Variants in SPMIP7 observed in about 807,000 individuals in gnomAD.
The protein encoded by SPMIP7 is protein SPMIP7.
At chr7:50,109,463 C>T in the SPMIP7 span, among the ~76,000 whole-genome samples, 2 of 152,112 alleles carry the variant, frequency 1.3e-5, no homozygotes, top group Non-Finnish European at 2.9e-5. Context: ...GCAACCTCTA[C>T]CTCCTGGGTT....
the SPMIP7 span, among the ~76,000 whole-genome samples, chr7:50,133,697 G>T: frequency 6.6e-6 from 1 of 152,234 alleles, no homozygotes; most frequent in South Asian, 2.1e-4. Flanking sequence ...CATTCAGGTT[G>T]TTGACAGAAT....
chr7:50,140,139 G>A, the SPMIP7 span: 2 of 1,497,432 alleles, frequency 1.3e-6, no homozygotes, highest in East Asian at 5.1e-5. Flanking sequence ...CTTTTTTGAA[G>A]TGTGAGTTCA....
the SPMIP7 span, among the ~76,000 whole-genome samples, chr7:50,122,882 A>T: frequency 6.6e-6 from 1 of 152,164 alleles, no homozygotes; most frequent in Non-Finnish European, 1.5e-5. Flanking sequence ...ATTTCACACT[A>T]GTTAGAATGG....
the SPMIP7 span, among the ~76,000 whole-genome samples, chr7:50,148,048 A>G: frequency 3.9e-5 from 6 of 152,280 alleles, no homozygotes; most frequent in South Asian, 8.3e-4. Context: ...AATATCTCCT[A>G]TCAGCAGCAG....
the SPMIP7 span, among the ~76,000 whole-genome samples, chr7:50,147,148 G>A: frequency 6.6e-6 from 1 of 152,194 alleles, no homozygotes; most frequent in South Asian, 2.1e-4. Flanking sequence ...AAGCTGTTGG[G>A]AGCTAAGTCA....
chr7:50,136,063 C>T, the SPMIP7 span: 15 of 1,455,544 alleles, frequency 1.0e-5, no homozygotes, highest in Admixed American at 2.0e-4. Flanking sequence ...ATAACGTGCT[C>T]ATTAACTGTC....
At chr7:50,106,179 A>G in the SPMIP7 span, among the ~76,000 whole-genome samples, 1 of 152,216 alleles carries the variant, frequency 6.6e-6, no homozygotes, top group East Asian at 1.9e-4. Context: ...AGGTAGAGAG[A>G]AATTACTGGG....
At chr7:50,119,553 G>A in the SPMIP7 span, among the ~76,000 whole-genome samples, 12 of 152,246 alleles carry the variant, frequency 7.9e-5, no homozygotes, top group Admixed American at 3.9e-4. Flanking sequence ...CCCAAATCAG[G>A]AAACGATTCC....
chr7:50,115,771 C>T, the SPMIP7 span, among the ~76,000 whole-genome samples: 52 of 152,036 alleles, frequency 3.4e-4, no homozygotes, highest in African/African-American at 1.2e-3. Context: ...AAATACAAGT[C>T]ATCTACTCAT....
chr7:50,152,224 G>C, the SPMIP7 span, among the ~76,000 whole-genome samples: 8 of 152,120 alleles, frequency 5.3e-5, no homozygotes, highest in African/African-American at 1.4e-4. Flanking sequence ...GTGGGCACCT[G>C]TAATCCCAGC....
chr7:50,139,006 C>T, the SPMIP7 span, among the ~76,000 whole-genome samples: 19 of 152,154 alleles, frequency 1.2e-4, no homozygotes, highest in African/African-American at 3.6e-4. Flanking sequence ...TAGACTCCAA[C>T]GTGTAAATTG....
At chr7:50,140,176 C>G in the SPMIP7 span, 3 of 1,496,688 alleles carry the variant, frequency 2.0e-6, no homozygotes, top group Admixed American at 2.6e-5. Flanking sequence ...ATATTCCTCT[C>G]TATACGTAAG....
the SPMIP7 span, among the ~76,000 whole-genome samples, chr7:50,148,775 T>G: frequency 1.3e-5 from 2 of 152,318 alleles, no homozygotes; most frequent in Non-Finnish European, 2.9e-5. Context: ...GCTCCTGAAC[T>G]TAGCAGCACA....
chr7:50,096,265 C>A, the SPMIP7 span: 1 of 1,551,550 alleles, frequency 6.4e-7, no homozygotes, highest in Non-Finnish European at 8.7e-7. Context: ...AAAAGAAATG[C>A]AACCCTGCTT....
the SPMIP7 span, among the ~76,000 whole-genome samples, chr7:50,158,170 GTCT>G: frequency 6.8e-6 from 1 of 147,580 alleles, no homozygotes; most frequent in Admixed American, 6.8e-5. Context: ...CCCCACCCAT[GTCT>G]TCTCCCAGCC....
At chr7:50,109,806 A>G in the SPMIP7 span, among the ~76,000 whole-genome samples, 1 of 152,240 alleles carries the variant, frequency 6.6e-6, no homozygotes, top group Non-Finnish European at 1.5e-5. Context: ...CAAAATAATA[A>G]GCTGGTAAAA....
chr7:50,105,802 A>T, the SPMIP7 span, among the ~76,000 whole-genome samples: 4 of 152,116 alleles, frequency 2.6e-5, no homozygotes, highest in African/African-American at 9.7e-5. Flanking sequence ...GAAAATTTTT[A>T]TTTATTAATT....
At chr7:50,110,820 T>C in the SPMIP7 span, among the ~76,000 whole-genome samples, 2 of 132,360 alleles carry the variant, frequency 1.5e-5, no homozygotes, top group African/African-American at 5.8e-5. Context: ...TAATATAATA[T>C]ATAATCATAT....
chr7:50,100,361 A>T, the SPMIP7 span, among the ~76,000 whole-genome samples: 5 of 152,234 alleles, frequency 3.3e-5, no homozygotes, highest in African/African-American at 1.2e-4. Flanking sequence ...GCATTCTGTC[A>T]AGGTGCAGGA....
Sources: allele counts gnomAD v4.1 joint callset (sites outside exome capture counted in the v4.1 genomes callset), GRCh38; gene constraint gnomAD v4.1.1; transcripts MANE v1.5; gene names NCBI Gene and HGNC (gene_info 2026-07-23, HGNC 2026-07-21).